The following FBLN2 variants were observed in gnomAD, a reference collection of about 807,000 sequenced individuals.
The protein encoded by FBLN2 is fibulin 2.
Under a neutral mutation model 123.7 loss-of-function variants are expected in FBLN2, and 81 were observed. That is an observed-to-expected ratio of 0.65 (90% CI 0.55 to 0.79). The LOEUF is 0.79. FBLN2 is among the 30% of genes least tolerant of loss of function. The probability of loss-of-function intolerance (pLI) is 0.00; values close to 1 mark genes in which losing one functional copy is unlikely to be tolerated. For missense variants in FBLN2, 1,603 were observed against 1,681.3 expected (o/e 0.95, Z 0.81); for synonymous variants, 699 against 701.4 (o/e 1.00, Z 0.05).
chr3:13,555,697 A>G (rs1703445093), intron 1 of FBLN2, among the ~76,000 whole-genome samples: 1 of 151,948 alleles, frequency 6.6e-6, no homozygotes, highest in Admixed American at 6.6e-5. Context: ...CTTGTGATCC[A>G]CCCGCCTTGG....
intron 1 of FBLN2, among the ~76,000 whole-genome samples, chr3:13,561,699 A>T (rs79980658): frequency 0.037 from 5,662 of 152,248 alleles, 127 homozygotes; most frequent in Middle Eastern, 0.082. Flanking sequence ...CAACGCCCTT[A>T]TCTCTTCCCC....
Position 13,617,578 on chromosome 3 carries a change from C to CCCATCCAT in FBLN2, c.1730-462_1730-455dup, listed in dbSNP as rs57191985. ...CACCCATCCAGTTACAACCCATCCA[C>CCCATCCAT]CCATCCATCCATCCATCCATCCATC... On this transcript the variant is annotated intron_variant, in intron 5 of 17. Coordinates refer to ENST00000404922, the MANE Select transcript of FBLN2 (RefSeq NM_001004019.2). Among the ~76,000 whole-genome samples, 47 of 119,388 alleles carry CCCATCCAT rather than the reference C, an allele frequency of 3.9e-4. 1 individual carries two copies. Among genetic ancestry groups the CCCATCCAT allele is most frequent in the African/African-American group, 1.3e-3 (38 of 28,206 alleles). The allele number at this position is 119,388 out of a possible 152,430, so 78.3% of individuals were successfully genotyped here.
chr3:13,636,944 A>G (rs1030702402), intron 17 of FBLN2, among the ~76,000 whole-genome samples: 2 of 151,652 alleles, frequency 1.3e-5, no homozygotes, highest in African/African-American at 4.9e-5. Flanking sequence ...CTGGCTCAGG[A>G]TCTCAGGGGC....
intron 1 of FBLN2, among the ~76,000 whole-genome samples, chr3:13,566,813 C>G (rs1264445216): frequency 6.6e-6 from 1 of 152,212 alleles, no homozygotes; most frequent in African/African-American, 2.4e-5. Flanking sequence ...TTTATGCATG[C>G]TGGTAACCAA....
chr3:13,617,686 A>ACCAT (rs574629860), intron 5 of FBLN2, among the ~76,000 whole-genome samples: 1,761 of 61,856 alleles, frequency 0.028, 105 homozygotes, highest in African/African-American at 0.067. Flanking sequence ...CATCCATCTA[A>ACCAT]CCATCCATCC....
At chr3:13,608,234 G>A in intron 3 of FBLN2, 61 bp downstream of exon 3, 1 of 1,267,944 alleles carries the variant, frequency 7.9e-7, no homozygotes, top group Non-Finnish European at 1.1e-6. Flanking sequence ...AACCCTGCTT[G>A]CCTAGGACCC....
At chr3:13,596,326 A>T (rs1364831001) in intron 2 of FBLN2, among the ~76,000 whole-genome samples, 1 of 152,040 alleles carries the variant, frequency 6.6e-6, no homozygotes, top group African/African-American at 2.4e-5. Flanking sequence ...TTGTTGGGAG[A>T]TGGAGGCTCA....
chr3:13,609,487 G>A, intron 3 of FBLN2, 26 bp from the exon 4 acceptor site: 1 of 1,524,126 alleles, frequency 6.6e-7, no homozygotes, highest in Non-Finnish European at 8.8e-7. Flanking sequence ...GGGCGACTGG[G>A]GGCTAAGTTA....
At chr3:13,626,249 A>T (rs2350307) in intron 9 of FBLN2, among the ~76,000 whole-genome samples, 196 bp from the exon 10 acceptor site, 1 of 152,064 alleles carries the variant, frequency 6.6e-6, no homozygotes, top group African/African-American at 2.4e-5. Flanking sequence ...TGCTTGGTGC[A>T]TAGCAGGTGC....
At chr3:13,572,528 A>G (rs144948297) in intron 2 of FBLN2, among the ~76,000 whole-genome samples, 88 of 152,362 alleles carry the variant, frequency 5.8e-4, no homozygotes, top group African/African-American at 1.9e-3. Context: ...ACAGAGTTCA[A>G]TACACTCCAT....
At position 13,574,096 on chromosome 3, in the gene FBLN2, A is replaced by G. The variant is rs577411885; in HGVS notation, c.1306+2435A>G. 2.0e-5 allele frequency among the ~76,000 whole-genome samples: 3 copies of G among 152,264 alleles called. No homozygotes were observed. The East Asian group carries it at 5.8e-4, about 30-fold the overall frequency. On this transcript the variant is annotated intron_variant, in intron 2 of 17. Transcript: ENST00000404922. Reference sequence around the variant, plus strand: ...GCTCAGCAATCACAGAGCGCCGAGCACGGTGCCTAACAGAGTCACCGTGTT... The same window carrying G: ...GCTCAGCAATCACAGAGCGCCGAGCGCGGTGCCTAACAGAGTCACCGTGTT...
intron 2 of FBLN2, among the ~76,000 whole-genome samples, chr3:13,588,581 C>G (rs1378218352): frequency 6.6e-6 from 1 of 152,236 alleles, no homozygotes. Flanking sequence ...TACCTGCTGC[C>G]TCTTCTCCAG....
At chr3:13,561,849 G>T (rs928172847) in intron 1 of FBLN2, among the ~76,000 whole-genome samples, 3 of 152,106 alleles carry the variant, frequency 2.0e-5, no homozygotes, top group African/African-American at 7.2e-5. Context: ...CAACTTTCTC[G>T]GCCAGACAGA....
chr3:13,627,799 C>T, intron 10 of FBLN2, 33 bp from the exon 11 acceptor site: 1 of 1,598,272 alleles, frequency 6.3e-7, no homozygotes, highest in Non-Finnish European at 8.5e-7. Flanking sequence ...GGACCTGCCC[C>T]CCAGCCCTTG....
rs1484217139 is a variant in FBLN2 at position 13,571,353 on chromosome 3, G to A, written c.998G>A (p.Gly333Glu). 8 of 1,611,678 alleles carry A rather than the reference G, an allele frequency of 5.0e-6. No individual in the cohort carries two copies. The highest frequency in any genetic ancestry group is 1.7e-5 in the Admixed American group (1 of 59,692). Residue 333 changes from glycine (G) to glutamate (E), a missense_variant, in exon 2 of 18, where the codon GGG (glycine) becomes GAG (glutamate). Physicochemically the swap from Gly to Glu is moderately conservative, Grantham distance 98. Coordinates refer to ENST00000404922, the MANE Select transcript of FBLN2 (RefSeq NM_001004019.2). ...GAAGCTGGGGCAAGGGCAGAAGCTG[G>A]GGCAAGGCCTGAAGAGAACCTCATC... ...RAEAGARAEAGARPEENLILD... is the reference protein window; with the variant it reads ...RAEAGARAEAEARPEENLILD...
At chr3:13,588,450 C>T (rs991974616) in intron 2 of FBLN2, among the ~76,000 whole-genome samples, 3 of 152,210 alleles carry the variant, frequency 2.0e-5, no homozygotes, top group East Asian at 3.8e-4. Context: ...AGGCACGGGG[C>T]GTTTGGTTCT....
At chr3:13,553,695 C>T (rs940868804) in intron 1 of FBLN2, among the ~76,000 whole-genome samples, 3 of 152,354 alleles carry the variant, frequency 2.0e-5, no homozygotes, top group Non-Finnish European at 4.4e-5. Flanking sequence ...TATTTCCTTC[C>T]TCGAGGGTGG....
At chr3:13,553,406 A>G (rs554938789) in intron 1 of FBLN2, among the ~76,000 whole-genome samples, 18 of 152,280 alleles carry the variant, frequency 1.2e-4, no homozygotes, top group African/African-American at 4.1e-4. Context: ...CTGCAGTCAC[A>G]TAGCGACTGA....
chr3:13,555,934 C>T (rs930272400), intron 1 of FBLN2, among the ~76,000 whole-genome samples: 2 of 152,220 alleles, frequency 1.3e-5, no homozygotes, highest in African/African-American at 4.8e-5. Context: ...GAACAGTCAT[C>T]TCTATCCCTG....
Sources: allele counts gnomAD v4.1 joint callset (sites outside exome capture counted in the v4.1 genomes callset), GRCh38; gene constraint gnomAD v4.1.1; transcripts MANE v1.5; gene names NCBI Gene and HGNC (gene_info 2026-07-23, HGNC 2026-07-21).